Variants in MMP16 observed in about 807,000 individuals in gnomAD.
MMP16 encodes matrix metallopeptidase 16.
Under a neutral mutation model 67.8 loss-of-function variants are expected in MMP16, and 12 were observed. The ratio of observed to expected loss-of-function variants is 0.18; its 90% CI spans 0.11 to 0.29. The LOEUF is 0.29. MMP16 is among the 10% of genes least tolerant of loss of function. The pLI, the probability that MMP16 is intolerant of heterozygous loss-of-function variation, is 1.00. For missense variants in MMP16, 475 were observed against 765.7 expected (o/e 0.62, Z 4.48); for synonymous variants, 249 against 255.9 (o/e 0.97, Z 0.26).
chr8:88,251,481 C>T (rs541021559), intron 1 of MMP16, among the ~76,000 whole-genome samples: 71 of 143,104 alleles, frequency 5.0e-4, no homozygotes, highest in African/African-American at 2.0e-3. Flanking sequence ...ACACCTTATA[C>T]AAAAATCAAT....
intron 4 of MMP16, among the ~76,000 whole-genome samples, chr8:88,142,130 G>T (rs1036581000): frequency 6.6e-6 from 1 of 151,468 alleles, no homozygotes; most frequent in African/African-American, 2.4e-5. Flanking sequence ...GGCTGGTCTT[G>T]AACTCCTGAG....
chr8:88,098,138 A>C (rs62525895), intron 6 of MMP16, among the ~76,000 whole-genome samples: 31,995 of 151,914 alleles, frequency 0.21, 3,563 homozygotes, highest in Middle Eastern at 0.26. Flanking sequence ...GATATGTTTT[A>C]TTACAGGGAA....
chr8:88,041,839 G>T lies in MMP16; in HGVS notation c.1490-44C>A. ...ACACACACAGGTACCACTTATTTGTGACAGTGTATATGTAGAGAAATGTTA... is the reference window on the plus strand; with the variant it reads ...ACACACACAGGTACCACTTATTTGTTACAGTGTATATGTAGAGAAATGTTA... On this transcript the variant is annotated intron_variant, in intron 9 of 9. Transcript: ENST00000286614. This position sits in a 1 kb window ranked among gnomAD's most constrained non-coding sequence, Gnocchi z 6.0. The T allele has an allele frequency of 1.4e-6, 2 of 1,416,574 alleles. No homozygotes were observed. Among genetic ancestry groups the T allele is most frequent in the Non-Finnish European group, 9.8e-7 (1 of 1,021,140 alleles). The allele number at this position is 1,416,574 out of a possible 1,614,324, so 87.8% of individuals were successfully genotyped here. A position where few individuals can be genotyped will look rare whatever the true frequency, so the allele number is the denominator to read the frequency against.
At chr8:88,317,696 T>G (rs1811395324) in intron 1 of MMP16, among the ~76,000 whole-genome samples, 2 of 152,326 alleles carry the variant, frequency 1.3e-5, no homozygotes, top group South Asian at 4.1e-4. Context: ...CCTTTGTTAG[T>G]TGGTTTAGAA....
chr8:88,324,782 C>A (rs967151477), intron 1 of MMP16, among the ~76,000 whole-genome samples: 1 of 151,880 alleles, frequency 6.6e-6, no homozygotes, highest in African/African-American at 2.4e-5. Flanking sequence ...GTGAATCAGG[C>A]AGAAATTTAT....
At chr8:88,050,323 A>AAAT (rs1440974890) in intron 8 of MMP16, among the ~76,000 whole-genome samples, 1 of 152,184 alleles carries the variant, frequency 6.6e-6, no homozygotes. Context: ...ACTTCATCTC[A>AAAT]AATAATAATA....
At chr8:88,124,254 A>T (rs960281687) in intron 4 of MMP16, among the ~76,000 whole-genome samples, 3 of 152,002 alleles carry the variant, frequency 2.0e-5, no homozygotes, top group African/African-American at 7.2e-5. Flanking sequence ...ATAATCTGTT[A>T]TGCAAGTGAT....
At chr8:88,124,507 G>A (rs1257302839) in intron 4 of MMP16, among the ~76,000 whole-genome samples, 1 of 151,816 alleles carries the variant, frequency 6.6e-6, no homozygotes, top group Non-Finnish European at 1.5e-5. Context: ...CTAAGAAAAC[G>A]CACTTCTCCA....
intron 1 of MMP16, among the ~76,000 whole-genome samples, chr8:88,251,982 A>T (rs1810232262): frequency 8.8e-6 from 1 of 114,030 alleles, no homozygotes; most frequent in African/African-American, 3.5e-5. Flanking sequence ...ATCATTAAAA[A>T]GTCAGGAAAC....
chr8:88,149,200 G>A (rs191960374), intron 4 of MMP16, among the ~76,000 whole-genome samples: 30 of 152,310 alleles, frequency 2.0e-4, no homozygotes, highest in African/African-American at 3.8e-4. Flanking sequence ...CACCTGGCTC[G>A]GAGGGTCCTA....
intron 7 of MMP16, among the ~76,000 whole-genome samples, chr8:88,057,318 A>C (rs1808344283): frequency 6.6e-6 from 1 of 152,150 alleles, no homozygotes; most frequent in Non-Finnish European, 1.5e-5. Flanking sequence ...GAAGGGCCAC[A>C]AACTCAAATA....
chr8:88,078,008 C>G (rs1299306010), intron 6 of MMP16, among the ~76,000 whole-genome samples: 1 of 151,968 alleles, frequency 6.6e-6, no homozygotes, highest in Non-Finnish European at 1.5e-5. Flanking sequence ...TCTAAATCTG[C>G]TATTTGTATG....
At chr8:88,260,178 T>A (rs1360187031) in intron 1 of MMP16, among the ~76,000 whole-genome samples, 1 of 152,174 alleles carries the variant, frequency 6.6e-6, no homozygotes, top group African/African-American at 2.4e-5. Context: ...TAAAAATATT[T>A]CTATAATATG....
intron 6 of MMP16, among the ~76,000 whole-genome samples, chr8:88,111,585 G>T (rs1227176619): frequency 6.6e-6 from 1 of 151,696 alleles, no homozygotes; most frequent in Non-Finnish European, 1.5e-5. Flanking sequence ...ATGTAGCCTT[G>T]TGAGCAACTG....
At chr8:88,206,061 C>A (rs1209746595) in intron 1 of MMP16, among the ~76,000 whole-genome samples, 1 of 151,378 alleles carries the variant, frequency 6.6e-6, no homozygotes, top group East Asian at 1.9e-4. Flanking sequence ...GATTCTCCAG[C>A]TGGCCTCTGT....
intron 4 of MMP16, among the ~76,000 whole-genome samples, chr8:88,131,328 T>C (rs1808026841): frequency 6.6e-6 from 1 of 150,884 alleles, no homozygotes; most frequent in African/African-American, 2.4e-5. Context: ...TAAACTAACG[T>C]AAAAGATATA....
chr8:88,291,054 G>A (rs1259990464), intron 1 of MMP16, among the ~76,000 whole-genome samples: 1 of 152,122 alleles, frequency 6.6e-6, no homozygotes, highest in Non-Finnish European at 1.5e-5. Context: ...GCTGGGGTAG[G>A]AGGATCTCTT....
intron 1 of MMP16, among the ~76,000 whole-genome samples, chr8:88,216,295 A>C (rs143981990): frequency 1.4e-3 from 207 of 152,326 alleles, no homozygotes; most frequent in African/African-American, 4.2e-3. Context: ...ACTTGTAAAA[A>C]TTGGTTAAAT....
intron 1 of MMP16, among the ~76,000 whole-genome samples, chr8:88,283,403 ATC>A (rs987071096): frequency 6.6e-6 from 1 of 152,168 alleles, no homozygotes; most frequent in Non-Finnish European, 1.5e-5. Flanking sequence ...AAGTTATTTG[ATC>A]TCTCTGTTTC....
Sources: gnomAD v4.1 joint callset for allele counts (sites outside exome capture counted in the v4.1 genomes callset) on GRCh38, gnomAD v4.1.1 for gene constraint, Gnocchi (gnomAD v3.1) non-coding constraint, MANE v1.5 for transcripts, NCBI Gene and HGNC (gene_info 2026-07-23, HGNC 2026-07-21) for gene names.